SLC16A12: variants seen among roughly 807,000 people sequenced by gnomAD.
SLC16A12 encodes the protein monocarboxylate transporter 12.
SLC16A12 carries 17 observed loss-of-function variants against 42.4 expected under a neutral mutation model. The ratio of observed to expected loss-of-function variants is 0.40; its 90% CI spans 0.27 to 0.60. The LOEUF is 0.60. Among genes scored for constraint, SLC16A12 ranks in the 20% least tolerant of loss-of-function variants. The probability of loss-of-function intolerance (pLI) is 0.42; values close to 1 mark genes in which losing one functional copy is unlikely to be tolerated. For synonymous variants in SLC16A12, 224 were observed against 229.4 expected, an observed-to-expected ratio of 0.98 and a Z score of 0.21; for missense variants, 544 against 623.0, an observed-to-expected ratio of 0.87 and a Z score of 1.35.
At chr10:89,438,561 A>C (rs751031196) in intron 6 of SLC16A12, 43 bp downstream of exon 6, 1 of 1,573,876 alleles carries the variant, frequency 6.4e-7, no homozygotes, top group African/African-American at 1.4e-5. Context: ...TCAAGGCTTA[A>C]AGTCCCCTGG....
intron 2 of SLC16A12, among the ~76,000 whole-genome samples, chr10:89,522,628 T>G (rs971653838): frequency 7.9e-5 from 12 of 152,204 alleles, no homozygotes; most frequent in African/African-American, 2.9e-4. Context: ...TTACATACAC[T>G]GGTTATTTGA....
intron 2 of SLC16A12, among the ~76,000 whole-genome samples, chr10:89,503,137 A>G (rs2133824893): frequency 6.6e-6 from 1 of 152,294 alleles, no homozygotes; most frequent in East Asian, 1.9e-4. Flanking sequence ...TGCATAACAA[A>G]TCTTAGTAAA....
chr10:89,526,131 C>G (rs968518539), intron 2 of SLC16A12, among the ~76,000 whole-genome samples: 1 of 151,976 alleles, frequency 6.6e-6, no homozygotes, highest in Non-Finnish European at 1.5e-5. Context: ...ATCATGCTAC[C>G]CCCCGCCCCC....
intron 7 of SLC16A12, among the ~76,000 whole-genome samples, chr10:89,434,944 C>T (rs1841754792): frequency 6.6e-6 from 1 of 152,212 alleles, no homozygotes; most frequent in South Asian, 2.1e-4. Context: ...TGGTGTAGAC[C>T]ACATGCTTTA....
intron 2 of SLC16A12, among the ~76,000 whole-genome samples, chr10:89,542,307 T>C (rs553990819): frequency 2.1e-5 from 1 of 47,408 alleles, no homozygotes; most frequent in Non-Finnish European, 3.7e-5. Context: ...TTTTTTTTTC[T>C]TTTTTTTTTT....
In SLC16A12 at chr10:89,453,682, C is replaced by G. The variant is rs79111648; in HGVS notation, c.200+8697G>C. On this transcript the variant is annotated intron_variant, in intron 3 of 7. Coordinates refer to ENST00000371790, the MANE Select transcript of SLC16A12 (RefSeq NM_213606.4). ...AGTACACTCTATGATGTTCACATGACAATGAAATTGCTTAATGATATATTT... is the reference window on the plus strand; with the variant it reads ...AGTACACTCTATGATGTTCACATGAGAATGAAATTGCTTAATGATATATTT... Among the ~76,000 whole-genome samples the G allele has an allele frequency of 3.4e-3, 524 of 152,218 alleles. 20 individuals are homozygous for G. In the East Asian group the frequency reaches 0.089, roughly 26 times the overall value.
At chr10:89,437,909 T>C (rs1841828882) in intron 6 of SLC16A12, among the ~76,000 whole-genome samples, 1 of 152,230 alleles carries the variant, frequency 6.6e-6, no homozygotes, top group South Asian at 2.1e-4. Context: ...ACAAGGAAAT[T>C]ACTTGCAATT....
chr10:89,475,903 C>T (rs1842570596), intron 2 of SLC16A12, among the ~76,000 whole-genome samples: 1 of 152,198 alleles, frequency 6.6e-6, no homozygotes, highest in Non-Finnish European at 1.5e-5. Context: ...CCCACCCTTT[C>T]AGTTCCTAAT....
chr10:89,451,557 G>A (rs953632946), intron 3 of SLC16A12, among the ~76,000 whole-genome samples: 6 of 151,842 alleles, frequency 4.0e-5, no homozygotes, highest in Non-Finnish European at 5.9e-5. Context: ...GATTACAGGC[G>A]CCCGCCACCA....
In SLC16A12 at chr10:89,432,561, T is replaced by C. The variant is rs941688877; in HGVS notation, c.*503A>G. ...TTAACAATCCCAAGTAAAACCCTAA[T>C]GAGAAACTCCACCATGAAAAAGTAT... On this transcript the variant is annotated 3_prime_UTR_variant, in exon 8 of 8. Coordinates refer to ENST00000371790, the MANE Select transcript of SLC16A12 (RefSeq NM_213606.4). 1 of 153,272 alleles carries C rather than the reference T, an allele frequency of 6.5e-6. No individual in the cohort carries two copies. The highest frequency in any genetic ancestry group is 2.4e-5 in the African/African-American group (1 of 41,444). The allele number at this position is 153,272 out of a possible 1,614,324, so 9.5% of individuals were successfully genotyped here.
At chr10:89,504,680 A>T (rs1479965526) in intron 2 of SLC16A12, among the ~76,000 whole-genome samples, 1 of 152,238 alleles carries the variant, frequency 6.6e-6, no homozygotes, top group Admixed American at 6.5e-5. Context: ...ATTAACAAAG[A>T]TGACCAGCCA....
rs1321754643 is a variant in SLC16A12, at chr10:89,433,473, A to G, written c.1289-147T>C. The G allele has an allele frequency of 1.6e-5, 13 of 803,702 alleles. No homozygotes were observed. The East Asian group carries it at 3.5e-4, about 22-fold the overall frequency. The allele number at this position is 803,702 out of a possible 1,614,324, so 49.8% of individuals were successfully genotyped here. On this transcript the variant is annotated intron_variant, in intron 7 of 7. Coordinates refer to ENST00000371790, the MANE Select transcript of SLC16A12 (RefSeq NM_213606.4). Reference sequence around the variant, plus strand: ...AAACAAAAAGAGGTCACCTAAAAATATTGTGCAGCAACTGAAAAATACATT... The same window carrying G: ...AAACAAAAAGAGGTCACCTAAAAATGTTGTGCAGCAACTGAAAAATACATT...
chr10:89,445,426 T>C (rs764750437), intron 3 of SLC16A12, among the ~76,000 whole-genome samples: 1 of 152,250 alleles, frequency 6.6e-6, no homozygotes, highest in Non-Finnish European at 1.5e-5. Flanking sequence ...CAATATTTGC[T>C]GTTCTGCAGC....
intron 2 of SLC16A12, among the ~76,000 whole-genome samples, chr10:89,509,567 A>G (rs1198807625): frequency 1.3e-5 from 2 of 152,236 alleles, no homozygotes; most frequent in African/African-American, 4.8e-5. Flanking sequence ...TTCTCAATAA[A>G]CTAGGTATTG....
intron 2 of SLC16A12, among the ~76,000 whole-genome samples, chr10:89,509,483 C>T (rs1413467180): frequency 6.6e-6 from 1 of 151,940 alleles, no homozygotes. Context: ...ACAGAACCAA[C>T]AACAAAAACT....
chr10:89,466,512 C>T (rs892861092), intron 2 of SLC16A12, among the ~76,000 whole-genome samples: 13 of 152,204 alleles, frequency 8.5e-5, no homozygotes, highest in African/African-American at 3.1e-4. Context: ...AGAGCACCCA[C>T]AAACCAGCAG....
chr10:89,525,909 C>T (rs183543238), intron 2 of SLC16A12, among the ~76,000 whole-genome samples: 6 of 152,100 alleles, frequency 3.9e-5, no homozygotes, highest in Admixed American at 1.3e-4. Context: ...GGTAAGAAAC[C>T]GTGATATTTC....
rs776234350 is a variant in SLC16A12, at chr10:89,439,044, G to T, written c.588C>A (p.Leu196=). Residue 196 remains leucine, a synonymous_variant, in exon 6 of 8, where the codon CTC becomes CTA. Transcript: ENST00000371790. The part of the protein sequence containing the change: ...GTFILAPVVQ[L]LIEQFSWRGA... ...CCCGCCAGGAAAACTGTTCAATAAG[G>T]AGCTGAACCACAGGAGCCAGGATGA... 2 of 1,613,840 alleles carry T rather than the reference G, an allele frequency of 1.2e-6. No homozygotes were observed. The highest frequency in any genetic ancestry group is 2.2e-5 in the South Asian group (2 of 91,034).
At chr10:89,539,858 TTTC>T (rs1843701068), upstream of SLC16A12, among the ~76,000 whole-genome samples, 1 of 14,870 alleles carries the variant, frequency 6.7e-5, no homozygotes, top group Non-Finnish European at 1.4e-4. Context: ...GAAACAAATT[TTTC>T]TTTCTTTCTT....
Sources: allele counts gnomAD v4.1 joint callset (sites outside exome capture counted in the v4.1 genomes callset), GRCh38; gene constraint gnomAD v4.1.1; transcripts MANE v1.5; gene names NCBI Gene and HGNC (gene_info 2026-07-23, HGNC 2026-07-21).